SLC16A2: variants seen among roughly 807,000 people sequenced by gnomAD.
The protein encoded by SLC16A2 is monocarboxylate transporter 8.
In SLC16A2, 3 loss-of-function variants were observed where a neutral mutation model predicts 27.2. That is an observed-to-expected ratio of 0.11 (90% CI 0.05 to 0.28). The LOEUF (loss-of-function observed/expected upper bound fraction) is 0.28. SLC16A2 is among the 10% of genes least tolerant of loss of function. SLC16A2 has a pLI of 1.00. For synonymous variants in SLC16A2, 202 were observed against 187.8 expected (o/e 1.08, Z -0.62); for missense variants, 295 against 458.5 (o/e 0.64, Z 3.26).
chrX:74,497,868 G>A (rs779038916), intron 1 of SLC16A2, among the ~76,000 whole-genome samples: 29 of 106,515 alleles, frequency 2.7e-4, no homozygotes, highest in African/African-American at 9.9e-4. Context: ...ACACTGGAAG[G>A]AAGGGGGAAC....
At chrX:74,525,917 G>A in intron 4 of SLC16A2, 24 bp downstream of exon 4, 1 of 1,207,761 alleles carries the variant, frequency 8.3e-7, no homozygotes, top group Non-Finnish European at 1.1e-6. Context: ...CTTGTCCACT[G>A]TGGGGAGAAA....
intron 1 of SLC16A2, among the ~76,000 whole-genome samples, chrX:74,483,550 C>G (rs1929664013): frequency 9.0e-6 from 1 of 110,804 alleles, no homozygotes; most frequent in Non-Finnish European, 1.9e-5. Context: ...ACAAAAACTT[C>G]TTCACTCTCT....
At chrX:74,483,420 T>C (rs1929661848) in intron 1 of SLC16A2, among the ~76,000 whole-genome samples, 1 of 111,774 alleles carries the variant, frequency 8.9e-6, no homozygotes, top group African/African-American at 3.3e-5. Flanking sequence ...TTTCTCTGGT[T>C]CTCTCTGTTA....
intron 1 of SLC16A2, among the ~76,000 whole-genome samples, chrX:74,510,775 G>T (rs1046062066): frequency 9.0e-6 from 1 of 110,801 alleles, no homozygotes. Flanking sequence ...ACTTGGGCTG[G>T]GCATAGTGGC....
At chrX:74,506,566 A>G (rs1930130540) in intron 1 of SLC16A2, among the ~76,000 whole-genome samples, 1 of 111,358 alleles carries the variant, frequency 9.0e-6, no homozygotes, top group African/African-American at 3.3e-5. Flanking sequence ...GCTGAGAGGT[A>G]AGTTGGGATT....
intron 1 of SLC16A2, among the ~76,000 whole-genome samples, chrX:74,490,066 C>A (rs1300356129): frequency 1.1e-5 from 1 of 89,127 alleles, no homozygotes; most frequent in Non-Finnish European, 2.0e-5. Flanking sequence ...TACAAATTCA[C>A]TGGCTTGCAA....
At chrX:74,526,042 C>T (rs1037021059) in intron 4 of SLC16A2, 149 bp downstream of exon 4, 29 of 657,175 alleles carry the variant, frequency 4.4e-5, no homozygotes, top group Non-Finnish European at 6.1e-5. Flanking sequence ...TGCTTTTAAA[C>T]AAAGAAAATC....
chrX:74,529,309 T>G lies in SLC16A2; in HGVS notation c.1267T>G (p.Cys423Gly). The change falls in exon 5 of 6, where the codon TGC (cysteine) becomes GGC (glycine). Residue 423 changes from cysteine (C) to glycine (G), a missense_variant. Physicochemically the swap from Cys to Gly is radical, Grantham distance 159. Around this residue, in one of 3 missense-constraint regions of SLC16A2, gnomAD observed 144 missense variants for 219.8 expected, o/e 0.66. Transcript: ENST00000587091. ...CGTCGTCTGTCTTTTCCTGGGCCTT[T>G]GCGATGGCTTCTTCATCACCATCAT... The part of the protein sequence containing the change: ...LIVVCLFLGL[C>G]DGFFITIMAP... 1 of 1,210,652 alleles carries G rather than the reference T, an allele frequency of 8.3e-7. No homozygotes were observed. Among genetic ancestry groups the G allele is most frequent in the Non-Finnish European group, 1.1e-6 (1 of 894,645 alleles).
intron 1 of SLC16A2, among the ~76,000 whole-genome samples, chrX:74,448,392 G>A (rs959620255): frequency 1.9e-5 from 2 of 105,548 alleles, no homozygotes; most frequent in East Asian, 3.0e-4. Context: ...GGAAAGTAAG[G>A]GCAGAGCATG....
At chrX:74,458,323 G>C (rs1315412980) in intron 1 of SLC16A2, among the ~76,000 whole-genome samples, 1 of 111,927 alleles carries the variant, frequency 8.9e-6, no homozygotes, top group African/African-American at 3.2e-5. Context: ...AGTTAGTATT[G>C]TTTTGGTGTG....
chrX:74,488,877 C>A (rs1450847913), intron 1 of SLC16A2, among the ~76,000 whole-genome samples: 1 of 111,368 alleles, frequency 9.0e-6, no homozygotes, highest in Non-Finnish European at 1.9e-5. Flanking sequence ...TTATACATAA[C>A]CCTTAAATAA....
chrX:74,464,560 T>C (rs1929216465), intron 1 of SLC16A2, among the ~76,000 whole-genome samples: 1 of 111,715 alleles, frequency 9.0e-6, no homozygotes, highest in Admixed American at 9.6e-5. Flanking sequence ...CCCTTGTAAA[T>C]ATTTTATATT....
At chrX:74,530,268 T>G (rs955352322) in intron 5 of SLC16A2, among the ~76,000 whole-genome samples, 1 of 108,670 alleles carries the variant, frequency 9.2e-6, no homozygotes, top group African/African-American at 3.4e-5. Flanking sequence ...ACCCAGCTAA[T>G]TTTTTGTATT....
intron 1 of SLC16A2, chrX:74,472,869 A>G (rs1030101150): frequency 1.2e-4 from 34 of 283,626 alleles, no homozygotes; most frequent in East Asian, 6.4e-4. Flanking sequence ...TTTCCCATAC[A>G]TATGAGTATT....
intron 4 of SLC16A2, among the ~76,000 whole-genome samples, chrX:74,526,755 AGAT>A (rs1930492087): frequency 2.7e-5 from 3 of 112,877 alleles, no homozygotes; most frequent in Non-Finnish European, 5.6e-5. Flanking sequence ...CAAGTCTCAG[AGAT>A]GATAAGTGAC....
chrX:74,518,332 G>A (rs941469528), intron 1 of SLC16A2, among the ~76,000 whole-genome samples: 2 of 112,070 alleles, frequency 1.8e-5, no homozygotes, highest in Non-Finnish European at 3.8e-5. Context: ...CATTGCTCAC[G>A]CCTATAATCC....
intron 1 of SLC16A2, among the ~76,000 whole-genome samples, chrX:74,496,040 C>A (rs111853373): frequency 0.022 from 2,395 of 111,016 alleles, 24 homozygotes; most frequent in Middle Eastern, 0.037. Flanking sequence ...CCCAACTGCC[C>A]GGTCTTCCAG....
At chrX:74,495,279 C>A (rs2147861007) in intron 1 of SLC16A2, among the ~76,000 whole-genome samples, 1 of 111,123 alleles carries the variant, frequency 9.0e-6, no homozygotes, top group Non-Finnish European at 1.9e-5. Flanking sequence ...GGGAGCCAGC[C>A]ATCAGCAATG....
At chrX:74,433,414 TA>T (rs1283648212) in intron 1 of SLC16A2, among the ~76,000 whole-genome samples, 1 of 107,605 alleles carries the variant, frequency 9.3e-6, no homozygotes, top group Non-Finnish European at 1.9e-5. Context: ...CTTACGTGGG[TA>T]AATTATGTGG....
Sources: gnomAD v4.1 joint callset for allele counts (sites outside exome capture counted in the v4.1 genomes callset) on GRCh38, gnomAD v4.1.1 for gene constraint, gnomAD v4.1.1 regional missense constraint, MANE v1.5 for transcripts, NCBI Gene and HGNC (gene_info 2026-07-23, HGNC 2026-07-21) for gene names.